The following XRCC4 variants were observed in gnomAD, a reference collection of about 807,000 sequenced individuals.
XRCC4 encodes X-ray repair cross complementing 4.
XRCC4 carries 28 observed loss-of-function variants against 39.1 expected under a neutral mutation model. The observed-to-expected ratio is 0.72, with a 90% confidence interval of 0.53 to 0.98. XRCC4 has a LOEUF of 0.98. Ranked by LOEUF, XRCC4 falls within the 50% of genes least tolerant of loss-of-function variation. XRCC4 has a pLI of 0.00. For synonymous variants in XRCC4, 123 were observed against 126.4 expected (o/e 0.97, Z 0.18); for missense variants, 350 against 376.4 (o/e 0.93, Z 0.58).
At chr5:83,149,410 G>T (rs1053580725) in intron 3 of XRCC4, among the ~76,000 whole-genome samples, 2 of 151,800 alleles carry the variant, frequency 1.3e-5, no homozygotes, top group African/African-American at 4.8e-5. Context: ...ATTTCATTAT[G>T]TGTTATACTT....
intron 3 of XRCC4, among the ~76,000 whole-genome samples, chr5:83,187,046 C>T (rs2112670162): frequency 9.2e-6 from 1 of 109,078 alleles, no homozygotes; most frequent in South Asian, 3.4e-4. Flanking sequence ...CGGGTTCACG[C>T]CATTCTCCTG....
At chr5:83,112,412 T>A (rs1003793244) in intron 3 of XRCC4, among the ~76,000 whole-genome samples, 1 of 152,254 alleles carries the variant, frequency 6.6e-6, no homozygotes, top group Non-Finnish European at 1.5e-5. Flanking sequence ...ATGTAACAAC[T>A]AGCATTATTT....
intron 7 of XRCC4, among the ~76,000 whole-genome samples, chr5:83,336,020 A>G: frequency 6.6e-6 from 1 of 152,048 alleles, no homozygotes; most frequent in Non-Finnish European, 1.5e-5. Flanking sequence ...AGTCACTTCC[A>G]AATTACATTG....
chr5:83,354,845 A>T, downstream of XRCC4, among the ~76,000 whole-genome samples: 1 of 152,014 alleles, frequency 6.6e-6, no homozygotes, highest in African/African-American at 2.4e-5. Flanking sequence ...GTGTCTCTCT[A>T]CTGCAGCTGC....
At chr5:83,327,392 A>G (rs1263176211) in intron 7 of XRCC4, among the ~76,000 whole-genome samples, 1 of 152,060 alleles carries the variant, frequency 6.6e-6, no homozygotes, top group Non-Finnish European at 1.5e-5. Flanking sequence ...TTTTATGAGT[A>G]GTAGTCCATG....
chr5:83,344,294 T>C (rs933803659), intron 7 of XRCC4, among the ~76,000 whole-genome samples: 2 of 152,014 alleles, frequency 1.3e-5, no homozygotes, highest in African/African-American at 4.8e-5. Flanking sequence ...TGGAGTGCAA[T>C]GGCATGATCA....
At chr5:83,274,099 AT>A (rs1214856561) in intron 7 of XRCC4, among the ~76,000 whole-genome samples, 3 of 152,114 alleles carry the variant, frequency 2.0e-5, no homozygotes, top group African/African-American at 7.2e-5. Context: ...AGACATGACA[AT>A]TATATTATGC....
At chr5:83,083,225 C>T (rs2112283469) in intron 1 of XRCC4, among the ~76,000 whole-genome samples, 1 of 151,880 alleles carries the variant, frequency 6.6e-6, no homozygotes, top group South Asian at 2.1e-4. Flanking sequence ...AATTGTGTTC[C>T]CCTATTAAAA....
intron 6 of XRCC4, 37 bp downstream of exon 6, chr5:83,204,958 T>G (rs1215394858): frequency 7.1e-7 from 1 of 1,402,250 alleles, no homozygotes; most frequent in South Asian, 1.2e-5. Flanking sequence ...CTGTTGAATA[T>G]CTTATTTGGG....
chr5:83,250,327 C>T (rs1753258297), intron 6 of XRCC4, among the ~76,000 whole-genome samples: 1 of 152,136 alleles, frequency 6.6e-6, no homozygotes, highest in South Asian at 2.1e-4. Flanking sequence ...CTGGAACTGG[C>T]ACCAGCAGGC....
At chr5:83,321,866 A>G (rs1197025294) in intron 7 of XRCC4, among the ~76,000 whole-genome samples, 1 of 151,804 alleles carries the variant, frequency 6.6e-6, no homozygotes, top group Non-Finnish European at 1.5e-5. Flanking sequence ...ATTAAGTCAC[A>G]CCAAAATGGC....
intron 3 of XRCC4, among the ~76,000 whole-genome samples, chr5:83,130,713 G>C (rs4410625): frequency 3.3e-5 from 5 of 151,744 alleles, no homozygotes; most frequent in East Asian, 1.9e-4. Context: ...TGTATGTGTC[G>C]AGGAATTTAT....
At chr5:83,362,845 G>A in the XRCC4 span, among the ~76,000 whole-genome samples, 4,924 of 152,238 alleles carry the variant, frequency 0.032, 119 homozygotes, top group Middle Eastern at 0.051. Flanking sequence ...CTAAATGCAA[G>A]AACATGAGGC....
chr5:83,301,835 C>A (rs1035770165), intron 7 of XRCC4, among the ~76,000 whole-genome samples: 2 of 152,118 alleles, frequency 1.3e-5, no homozygotes, highest in Non-Finnish European at 2.9e-5. Context: ...AATAGGGAAT[C>A]CTTTCCCCAT....
rs755776572 is a variant in XRCC4 at position 83,104,983 on chromosome 5, G to A, written c.64G>A (p.Val22Ile). Residue 22 changes from valine to isoleucine, a missense_variant, in exon 2 of 8, where the codon GTA becomes ATA. By Grantham distance (29) the Val-to-Ile change is conservative. Coordinates refer to ENST00000396027, the MANE Select transcript of XRCC4 (RefSeq NM_003401.5). ...SEPSITHFLQ[V>I]SWEKTLESGF... ...ACCCAGTATAACTCATTTTCTACAA[G>A]TATCTTGGGAGAAAACACTGGAATC... 1 of 1,613,450 alleles carries A rather than the reference G, an allele frequency of 6.2e-7. No individual in the cohort carries two copies. The highest frequency in any genetic ancestry group is 1.1e-5 in the South Asian group (1 of 91,066).
At chr5:83,309,172 G>A (rs970236565) in intron 7 of XRCC4, among the ~76,000 whole-genome samples, 3 of 147,068 alleles carry the variant, frequency 2.0e-5, no homozygotes, top group South Asian at 2.2e-4. Context: ...CCAGCTACTC[G>A]GGAGGCTGAG....
Position 83,105,067 on chromosome 5 carries a change from AAAAAC to A in XRCC4, c.139+13_139+17del, listed in dbSNP as rs747797682. ...AGCATGGACTGGGACAGGTAATACT[AAAAAC>A]AAAGTTTTTATAAGTAAAATTTAAG... On this transcript the variant is annotated intron_variant, in intron 2 of 7. Coordinates refer to ENST00000396027, the MANE Select transcript of XRCC4 (RefSeq NM_003401.5). The A allele has an allele frequency of 1.3e-6, 2 of 1,594,788 alleles. No individual in the cohort carries two copies. Among genetic ancestry groups the A allele is most frequent in the Non-Finnish European group, 1.7e-6 (2 of 1,173,908 alleles).
intron 3 of XRCC4, among the ~76,000 whole-genome samples, chr5:83,179,911 T>C (rs1022980655): frequency 6.6e-6 from 1 of 152,166 alleles, no homozygotes; most frequent in Admixed American, 6.6e-5. Flanking sequence ...AAAGAGTTCA[T>C]ACTTGATCTG....
chr5:83,107,129 T>C (rs545212855), intron 2 of XRCC4, among the ~76,000 whole-genome samples: 1 of 152,184 alleles, frequency 6.6e-6, no homozygotes, highest in South Asian at 2.1e-4. Flanking sequence ...ATGTGGTCAT[T>C]TTATTTTCAA....
Sources: allele counts gnomAD v4.1 joint callset (sites outside exome capture counted in the v4.1 genomes callset), GRCh38; gene constraint gnomAD v4.1.1; transcripts MANE v1.5; gene names NCBI Gene and HGNC (gene_info 2026-07-23, HGNC 2026-07-21).